CUX2: variants seen among roughly 807,000 people sequenced by gnomAD.
The protein encoded by CUX2 is homeobox protein cut-like 2.
A neutral mutation model predicts 144.8 loss-of-function variants in CUX2; 40 were observed. The observed-to-expected ratio is 0.28, with a 90% CI of 0.21 to 0.36. CUX2 has a LOEUF of 0.36. Ranked by LOEUF, CUX2 falls within the 10% of genes least tolerant of loss-of-function variation. The pLI, the probability that CUX2 is intolerant of heterozygous loss-of-function variation, is 1.00. For missense variants in CUX2, 1,615 were observed against 1,994.0 expected (o/e 0.81, Z 3.62); for synonymous variants, 827 against 875.6 (o/e 0.94, Z 0.98).
rs1378525103 is a variant in CUX2 at position 111,338,282 on chromosome 12, C to G, written c.3197-4C>G. Reference sequence around the variant, plus strand: ...AACAGATTGCTCCCCTCCCCTATCCCCAGGGCAGCGGCTGTTTGGGGAAAG... The same window carrying G: ...AACAGATTGCTCCCCTCCCCTATCCGCAGGGCAGCGGCTGTTTGGGGAAAG... On this transcript the variant is annotated splice_polypyrimidine_tract_variant and splice_region_variant and intron_variant, in intron 19 of 21. Coordinates refer to ENST00000261726, the MANE Select transcript of CUX2 (RefSeq NM_015267.4). The G allele has an allele frequency of 5.6e-6, 9 of 1,603,866 alleles. No individual in the cohort carries two copies. The highest frequency in any genetic ancestry group is 6.8e-6 in the Non-Finnish European group (8 of 1,174,514).
At chr12:111,070,047 C>G (rs73413532) in intron 1 of CUX2, among the ~76,000 whole-genome samples, 1 of 152,056 alleles carries the variant, frequency 6.6e-6, no homozygotes, top group Non-Finnish European at 1.5e-5. Flanking sequence ...AGCTCCTGGC[C>G]GCAGAGCTTG....
At chr12:111,260,623 C>T (rs928913264) in intron 3 of CUX2, among the ~76,000 whole-genome samples, 6 of 152,174 alleles carry the variant, frequency 3.9e-5, no homozygotes, top group African/African-American at 1.4e-4. Context: ...AACAGCTCCG[C>T]TCCAGTGGGG....
rs1879535202 is a variant in CUX2, at chr12:111,186,464, A to G, written c.64-27736A>G. 6.6e-6 allele frequency among the ~76,000 whole-genome samples: 1 copy of G among 152,122 alleles called. No homozygotes were observed. The highest frequency in any genetic ancestry group is 2.4e-5 in the African/African-American group (1 of 41,426). On this transcript the variant is annotated intron_variant, in intron 1 of 21. Coordinates refer to ENST00000261726, the MANE Select transcript of CUX2 (RefSeq NM_015267.4). The surrounding 1 kb of genome is among the most constrained non-coding windows in gnomAD (Gnocchi z 4.4). ...GCATAAACTAGGCGGGGAACAGGGG[A>G]GCGGGAAGGGCACACGCGCAGGTCC...
chr12:111,203,231 CAA>C (rs35855857), intron 1 of CUX2, among the ~76,000 whole-genome samples: 21,283 of 75,916 alleles, frequency 0.28, 2,355 homozygotes, highest in East Asian at 0.77. Flanking sequence ...GACTCTGTCT[CAA>C]AAAAAAAAAA....
chr12:111,232,117 C>T (rs1015030851), intron 3 of CUX2, among the ~76,000 whole-genome samples: 2 of 152,048 alleles, frequency 1.3e-5, no homozygotes, highest in South Asian at 2.1e-4. Context: ...GTATGACACT[C>T]AATCAGTGTC....
chr12:111,300,400 T>C (rs1886232427), intron 9 of CUX2, among the ~76,000 whole-genome samples: 1 of 152,162 alleles, frequency 6.6e-6, no homozygotes, highest in South Asian at 2.1e-4. Context: ...GGATTAGAGG[T>C]GTGAGCCTCT....
In CUX2 at chr12:111,214,267, A is replaced by G. The variant is rs1592846563; in HGVS notation, c.131A>G (p.His44Arg). 5 of 1,609,428 alleles carry G rather than the reference A, an allele frequency of 3.1e-6. No individual in the cohort carries two copies. The highest frequency in any genetic ancestry group is 4.2e-6 in the Non-Finnish European group (5 of 1,178,538). ...GAGGAGAGTGAACATTCTCATAAAC[A>G]TTTAATTGAACTCCGCCGGGAATTT... Reference protein sequence around the residue: ...RQEESEHSHKHLIELRREFKK... With the variant: ...RQEESEHSHKRLIELRREFKK... Residue 44 changes from histidine (H) to arginine (R), a missense_variant, in exon 2 of 22, where the codon CAT becomes CGT. By Grantham distance (29) the His-to-Arg change is conservative. This residue lies in a region of CUX2 where 64 missense variants were observed against 64.9 expected (regional missense o/e 0.99). Transcript: ENST00000261726.
chr12:111,345,658 C>A (rs1378255008), intron 21 of CUX2, among the ~76,000 whole-genome samples: 3 of 148,472 alleles, frequency 2.0e-5, no homozygotes, highest in Admixed American at 6.9e-5. Flanking sequence ...AGGAGAATGG[C>A]GTAAACCCGG....
chr12:111,298,414 G>A (rs913308342), intron 8 of CUX2, 127 bp from the exon 9 acceptor site: 80 of 924,186 alleles, frequency 8.7e-5, no homozygotes, highest in East Asian at 7.5e-4. Flanking sequence ...TCCCCAGCCC[G>A]ATTTCTCTCC....
chr12:111,285,614 T>C (rs571678417), intron 4 of CUX2, among the ~76,000 whole-genome samples: 65 of 152,192 alleles, frequency 4.3e-4, no homozygotes, highest in Non-Finnish European at 6.6e-4. Flanking sequence ...CACCCCATTC[T>C]GCCAAGCAGG....
chr12:111,082,734 C>A (rs1200194086), intron 1 of CUX2, among the ~76,000 whole-genome samples: 4 of 152,134 alleles, frequency 2.6e-5, no homozygotes, highest in Non-Finnish European at 5.9e-5. Flanking sequence ...AGGCAGGTGC[C>A]CCAGAGCAGA....
chr12:111,244,048 C>T (rs1331054178), intron 3 of CUX2, among the ~76,000 whole-genome samples: 1 of 152,130 alleles, frequency 6.6e-6, no homozygotes, highest in African/African-American at 2.4e-5. Context: ...AGTTTGAATT[C>T]AGAACTGGTT....
intron 1 of CUX2, among the ~76,000 whole-genome samples, chr12:111,164,171 T>C (rs1877969043): frequency 6.6e-6 from 1 of 152,182 alleles, no homozygotes; most frequent in South Asian, 2.1e-4. Context: ...GGGGTTTTCC[T>C]GCAAAATGGA....
In CUX2 at chr12:111,310,305, C is replaced by A; in HGVS notation, c.1523C>A (p.Pro508His). The A allele has an allele frequency of 1.3e-6, 2 of 1,502,678 alleles. No homozygotes were observed. Among genetic ancestry groups the A allele is most frequent in the East Asian group, 2.4e-5 (1 of 41,834 alleles). 93.1% of individuals were successfully genotyped at this position (1,502,678 alleles called of 1,614,324 possible). A position where few individuals can be genotyped will look rare whatever the true frequency, so the allele number is the denominator to read the frequency against. Residue 508 changes from proline (P) to histidine (H), a missense_variant, in exon 15 of 22, where the codon CCC (proline) becomes CAC (histidine). Around this residue, in one of 12 missense-constraint regions of CUX2, gnomAD observed 154 missense variants for 148.4 expected, o/e 1.04. Transcript: ENST00000261726. This position sits in a 1 kb window ranked among gnomAD's most constrained non-coding sequence, Gnocchi z 7.9. ...GAGGCGGGCGGCCTGCTGGTGTTCC[C>A]CCCAGCCTTCTATGGCGCCAAGCCC... The part of the protein sequence containing the change: ...KGEAGGLLVF[P>H]PAFYGAKPPT...
chr12:111,137,349 A>ATGT (rs892519106), intron 1 of CUX2, among the ~76,000 whole-genome samples: 2 of 148,540 alleles, frequency 1.3e-5, no homozygotes, highest in Non-Finnish European at 2.9e-5. Flanking sequence ...TCTTCTGCTG[A>ATGT]TGTTGTTGTT....
At chr12:111,066,228 C>G (rs889091727) in intron 1 of CUX2, among the ~76,000 whole-genome samples, 1 of 152,152 alleles carries the variant, frequency 6.6e-6, no homozygotes, top group African/African-American at 2.4e-5. Flanking sequence ...AGTTTTGGCC[C>G]TTGGGAATTT....
chr12:111,257,240 C>T lies in CUX2; in HGVS notation c.223-6521C>T, dbSNP rs547618788. 1.8e-4 allele frequency among the ~76,000 whole-genome samples: 26 copies of T among 143,726 alleles called. No homozygotes were observed. In the East Asian group the frequency reaches 5.3e-3, roughly 29 times the overall value. The allele number at this position is 143,726 out of a possible 152,430, so 94.3% of individuals were successfully genotyped here. A position where few individuals can be genotyped will look rare whatever the true frequency, so the allele number is the denominator to read the frequency against. ...TCCTTCCTCCCCCTCCCACTTCTTC[C>T]TCCCCTTCCCTTTTCCCCCTCCTCC... On this transcript the variant is annotated intron_variant, in intron 3 of 21. Coordinates refer to ENST00000261726, the MANE Select transcript of CUX2 (RefSeq NM_015267.4).
At chr12:111,249,072 G>A (rs933353168) in intron 3 of CUX2, among the ~76,000 whole-genome samples, 1 of 152,150 alleles carries the variant, frequency 6.6e-6, no homozygotes, top group African/African-American at 2.4e-5. Flanking sequence ...CTCGTGTGTC[G>A]TGTGACCCCC....
intron 1 of CUX2, among the ~76,000 whole-genome samples, chr12:111,187,143 G>T (rs1187949328): frequency 2.0e-5 from 3 of 152,320 alleles, no homozygotes; most frequent in Middle Eastern, 3.4e-3. Context: ...CAGAGCTGGG[G>T]CTATCCAGAT....
Sources: allele counts gnomAD v4.1 joint callset (sites outside exome capture counted in the v4.1 genomes callset), GRCh38; gene constraint gnomAD v4.1.1; regional missense constraint gnomAD v4.1.1; non-coding constraint Gnocchi (gnomAD v3.1); transcripts MANE v1.5; gene names NCBI Gene and HGNC (gene_info 2026-07-23, HGNC 2026-07-21).